Variants in CAMTA1 observed in about 807,000 individuals in gnomAD.
The protein encoded by CAMTA1 is calmodulin binding transcription activator 1, also known as calmodulin-binding transcription activator 1.
CAMTA1 carries 27 observed loss-of-function variants against 170.9 expected under a neutral mutation model. The ratio of observed to expected loss-of-function variants is 0.16; its 90% CI spans 0.12 to 0.22. The LOEUF is 0.22. Ranked by LOEUF, CAMTA1 falls within the 10% of genes least tolerant of loss-of-function variation. The pLI, the probability that CAMTA1 is intolerant of heterozygous loss-of-function variation, is 1.00. For synonymous variants in CAMTA1, 833 were observed against 891.5 expected (o/e 0.93, Z 1.17); for missense variants, 1,619 against 2,217.2 (o/e 0.73, Z 5.42).
At chr1:7,492,167 T>A (rs2093712514) in intron 6 of CAMTA1, among the ~76,000 whole-genome samples, 1 of 152,138 alleles carries the variant, frequency 6.6e-6, no homozygotes, top group Admixed American at 6.5e-5. Flanking sequence ...CAAGTCCTCC[T>A]TGGTAGAGCG....
At chr1:7,765,668 G>A (rs747888247) in intron 22 of CAMTA1, among the ~76,000 whole-genome samples, 9 of 152,120 alleles carry the variant, frequency 5.9e-5, no homozygotes, top group Non-Finnish European at 1.2e-4. Flanking sequence ...GTATGATTAG[G>A]TTCAAGAAAG....
chr1:6,927,049 A>AT (rs917655706), intron 3 of CAMTA1, among the ~76,000 whole-genome samples: 37 of 149,174 alleles, frequency 2.5e-4, no homozygotes, highest in East Asian at 5.9e-4. Flanking sequence ...CTCGGTGATT[A>AT]TTTTTTTTTT....
intron 4 of CAMTA1, among the ~76,000 whole-genome samples, chr1:7,242,654 C>T (rs1256296542): frequency 1.3e-5 from 2 of 152,038 alleles, no homozygotes; most frequent in East Asian, 1.9e-4. Flanking sequence ...TTCAGCCAGG[C>T]GTGGTGGCTC....
At chr1:7,726,892 CAT>C (rs1441198962) in intron 11 of CAMTA1, among the ~76,000 whole-genome samples, 1 of 152,212 alleles carries the variant, frequency 6.6e-6, no homozygotes, top group African/African-American at 2.4e-5. Flanking sequence ...CTCTGAGCCT[CAT>C]GTGCCCATGG....
At chr1:7,649,391 C>A (rs1027538511) in intron 7 of CAMTA1, among the ~76,000 whole-genome samples, 5 of 152,182 alleles carry the variant, frequency 3.3e-5, no homozygotes. Flanking sequence ...ATTTCCTCTG[C>A]CTTTTACCCT....
At chr1:7,754,516 T>C (rs2096918393) in intron 21 of CAMTA1, among the ~76,000 whole-genome samples, 1 of 152,238 alleles carries the variant, frequency 6.6e-6, no homozygotes, top group South Asian at 2.1e-4. Context: ...CATAAATTCA[T>C]GAAAGGTTGC....
intron 3 of CAMTA1, among the ~76,000 whole-genome samples, chr1:6,828,149 T>A (rs1442859972): frequency 6.6e-6 from 1 of 152,182 alleles, no homozygotes; most frequent in African/African-American, 2.4e-5. Flanking sequence ...TGTGTACAGT[T>A]GAATTTCTGG....
intron 3 of CAMTA1, among the ~76,000 whole-genome samples, chr1:6,842,924 CA>C (rs532107406): frequency 1.3e-3 from 163 of 127,790 alleles, no homozygotes; most frequent in South Asian, 1.7e-3. Flanking sequence ...GTCTCCATCT[CA>C]AAAAAAAAAA....
At chr1:7,504,159 G>A (rs2094059409) in intron 6 of CAMTA1, among the ~76,000 whole-genome samples, 1 of 152,158 alleles carries the variant, frequency 6.6e-6, no homozygotes, top group African/African-American at 2.4e-5. Flanking sequence ...GGGAACGGGT[G>A]GGGACTGACT....
intron 5 of CAMTA1, among the ~76,000 whole-genome samples, chr1:7,400,689 A>C (rs977469427): frequency 6.6e-6 from 1 of 152,134 alleles, no homozygotes; most frequent in African/African-American, 2.4e-5. Context: ...GGTAGGGTGC[A>C]TTGGCTTTGG....
intron 11 of CAMTA1, among the ~76,000 whole-genome samples, chr1:7,690,827 G>A (rs753476029): frequency 6.6e-6 from 1 of 152,216 alleles, no homozygotes; most frequent in Non-Finnish European, 1.5e-5. Flanking sequence ...CCCATCATCC[G>A]CTCTTGACCT....
intron 6 of CAMTA1, among the ~76,000 whole-genome samples, chr1:7,486,350 T>C (rs940589682): frequency 1.3e-5 from 2 of 152,214 alleles, no homozygotes; most frequent in African/African-American, 4.8e-5. Flanking sequence ...TTCTCAAAAA[T>C]GTACCAGGCT....
intron 5 of CAMTA1, among the ~76,000 whole-genome samples, chr1:7,444,953 C>A (rs557358723): frequency 6.6e-6 from 1 of 152,006 alleles, no homozygotes. Flanking sequence ...AAAATTTGCC[C>A]GCCTAGCTGG....
At chr1:6,942,892 C>T (rs542782643) in intron 3 of CAMTA1, among the ~76,000 whole-genome samples, 2 of 152,160 alleles carry the variant, frequency 1.3e-5, no homozygotes, top group African/African-American at 2.4e-5. Flanking sequence ...TGGACACTCT[C>T]ACTCAGAGTG....
At chr1:6,829,239 T>A (rs1382983656) in intron 3 of CAMTA1, among the ~76,000 whole-genome samples, 1 of 152,112 alleles carries the variant, frequency 6.6e-6, no homozygotes, top group African/African-American at 2.4e-5. Context: ...GTTAATATAG[T>A]CTTAATATTG....
chr1:6,797,249 C>T lies in CAMTA1; in HGVS notation c.45+11674C>T, dbSNP rs551801062. 8.5e-5 allele frequency among the ~76,000 whole-genome samples: 13 copies of T among 152,214 alleles called. No homozygotes were observed. The East Asian group carries it at 9.7e-4, about 11-fold the overall frequency. On this transcript the variant is annotated intron_variant, in intron 1 of 22. Transcript: ENST00000303635. ...CATGCCAGGCTAATTTTTGTAGAGA[C>T]GGGGTTTTGCCCTGTTGTCCAGGCT...
intron 3 of CAMTA1, among the ~76,000 whole-genome samples, chr1:7,059,474 G>T (rs1707878454): frequency 6.6e-6 from 1 of 152,096 alleles, no homozygotes; most frequent in Non-Finnish European, 1.5e-5. Flanking sequence ...TTAAAAATTA[G>T]CTGGGCACAA....
chr1:7,273,108 T>C (rs1670091844), intron 5 of CAMTA1, among the ~76,000 whole-genome samples: 1 of 152,198 alleles, frequency 6.6e-6, no homozygotes, highest in South Asian at 2.1e-4. Flanking sequence ...TAGTAAGTGT[T>C]CACACACGTG....
intron 6 of CAMTA1, among the ~76,000 whole-genome samples, chr1:7,611,153 T>C (rs910297538): frequency 1.3e-5 from 2 of 151,630 alleles, no homozygotes; most frequent in Non-Finnish European, 2.9e-5. Flanking sequence ...AGCTGGGCCA[T>C]GGTGCGGGCC....
Sources: allele counts gnomAD v4.1 joint callset (sites outside exome capture counted in the v4.1 genomes callset), GRCh38; gene constraint gnomAD v4.1.1; transcripts MANE v1.5; gene names NCBI Gene and HGNC (gene_info 2026-07-23, HGNC 2026-07-21).